The following METRNL variants were observed in gnomAD, a reference collection of about 807,000 sequenced individuals.
METRNL encodes the protein meteorin like, glial cell differentiation regulator, also known as meteorin-like protein.
Under a neutral mutation model 17.4 loss-of-function variants are expected in METRNL, and 9 were observed. The ratio of observed to expected loss-of-function variants is 0.52; its 90% confidence interval spans 0.31 to 0.90. The LOEUF is 0.90. Among genes scored for constraint, METRNL ranks in the 40% least tolerant of loss-of-function variants. The probability of loss-of-function intolerance (pLI) is 0.05; values close to 1 mark genes in which losing one functional copy is unlikely to be tolerated. For synonymous variants in METRNL, 215 were observed against 199.3 expected (o/e 1.08, Z -0.66); for missense variants, 408 against 430.7 (o/e 0.95, Z 0.47).
intron 2 of METRNL, among the ~76,000 whole-genome samples, chr17:83,086,305 G>C (rs149563110): frequency 6.6e-6 from 1 of 152,312 alleles, no homozygotes; most frequent in African/African-American, 2.4e-5. Context: ...GTGTAGGACC[G>C]TCTGCCTGGA....
intron 1 of METRNL, among the ~76,000 whole-genome samples, chr17:83,080,601 CTTTTTT>C (rs563834169): frequency 5.8e-5 from 3 of 52,148 alleles, no homozygotes; most frequent in Admixed American, 2.5e-4. Context: ...CGGCCGAGGA[CTTTTTT>C]TTTTTTTTTT....
chr17:83,090,068 G>A (rs1246910666), intron 2 of METRNL, among the ~76,000 whole-genome samples: 8 of 151,924 alleles, frequency 5.3e-5, no homozygotes, highest in South Asian at 2.1e-4. Flanking sequence ...ACCCTCACGC[G>A]CCCAGGCCCC....
At chr17:83,088,917 A>G (rs865957067) in intron 2 of METRNL, among the ~76,000 whole-genome samples, 3 of 152,114 alleles carry the variant, frequency 2.0e-5, no homozygotes, top group African/African-American at 4.8e-5. Flanking sequence ...AAGGCGTCCC[A>G]TCTCTCGTCC....
chr17:83,085,356 C>A (rs1481887157), intron 2 of METRNL, 33 bp downstream of exon 2: 2 of 1,510,826 alleles, frequency 1.3e-6, no homozygotes, highest in Non-Finnish European at 1.8e-6. Flanking sequence ...GGGCGGCGGG[C>A]CTCGTCATCA....
chr17:83,091,165 G>A (rs2038130698), intron 2 of METRNL, among the ~76,000 whole-genome samples: 1 of 152,076 alleles, frequency 6.6e-6, no homozygotes, highest in Non-Finnish European at 1.5e-5. Context: ...CCAGTGCCAG[G>A]CTGGACCGGC....
In METRNL at chr17:83,080,070, G is replaced by A. The variant is rs573394271; in HGVS notation, c.170+85G>A. ...GGGCCGGCCGAGCGTGCGGGGGCGC[G>A]GCCGGGGGCGGGCGCGGGGCAGGGG... is the stretch of plus-strand genomic sequence containing the variant. On this transcript the variant is annotated intron_variant, in intron 1 of 3. Transcript: ENST00000320095. 8.6e-4 allele frequency: 742 copies of A among 859,820 alleles called. 7 individuals carry two copies. The African/African-American group carries it at 0.013, about 15-fold the overall frequency. The allele number at this position is 859,820 out of a possible 1,614,324, so 53.3% of individuals were successfully genotyped here.
chr17:83,080,983 GTC>G (rs917898937), intron 1 of METRNL, among the ~76,000 whole-genome samples: 4 of 151,412 alleles, frequency 2.6e-5, no homozygotes, highest in African/African-American at 9.7e-5. Flanking sequence ...GCGGGCGCAG[GTC>G]TCCCCGCAGC....
intron 2 of METRNL, among the ~76,000 whole-genome samples, chr17:83,092,815 A>C (rs1025843735): frequency 6.6e-6 from 1 of 152,096 alleles, no homozygotes; most frequent in African/African-American, 2.4e-5. Flanking sequence ...GAAAGAGCAC[A>C]AAGACCCCTC....
intron 2 of METRNL, among the ~76,000 whole-genome samples, chr17:83,090,006 G>A (rs908486816): frequency 1.3e-5 from 2 of 151,990 alleles, no homozygotes; most frequent in African/African-American, 4.8e-5. Context: ...TCGGCCGTCC[G>A]CTGAGGTCGT....
chr17:83,079,873 C>T lies in METRNL; in HGVS notation c.58C>T (p.Pro20Ser), dbSNP rs1038170634. 4 of 976,628 alleles carry T rather than the reference C, an allele frequency of 4.1e-6. No individual in the cohort carries two copies. In the East Asian group the frequency reaches 3.4e-4, roughly 84 times the overall value. 60.5% of individuals were successfully genotyped at this position (976,628 alleles called of 1,614,324 possible). A position where few individuals can be genotyped will look rare whatever the true frequency, so the allele number is the denominator to read the frequency against. ...CGCGGGGCAGCCGTGGCCGCGACCC[C>T]CCGCCCCGGGCCCGCCCCCGCCGCC... ...GRAGQPWPRP[P>S]APGPPPPPLP... The change falls in exon 1 of 4, where the codon CCC becomes TCC. Residue 20 changes from proline to serine, a missense_variant. By Grantham distance (74) the Pro-to-Ser change is moderately conservative. Coordinates refer to ENST00000320095, the MANE Select transcript of METRNL (RefSeq NM_001004431.3).
At chr17:83,091,589 G>A (rs1423732997) in intron 2 of METRNL, among the ~76,000 whole-genome samples, 1 of 152,214 alleles carries the variant, frequency 6.6e-6, no homozygotes, top group Non-Finnish European at 1.5e-5. Context: ...CCTGTCCCCT[G>A]GGACCCCCAG....
Position 83,094,247 on chromosome 17 carries a change from C to A in METRNL, c.617-9C>A, listed in dbSNP as rs2038174369. The A allele has an allele frequency of 6.4e-7, 1 of 1,553,736 alleles. No individual in the cohort carries two copies. The highest frequency in any genetic ancestry group is 1.4e-5 in the African/African-American group (1 of 73,990). Reference sequence around the variant, plus strand: ...CTCACTCCCTGTCCCCATCTCCTTCCCCGCACAGCCGTTCGAGGCTCCATC... The same window carrying A: ...CTCACTCCCTGTCCCCATCTCCTTCACCGCACAGCCGTTCGAGGCTCCATC... On this transcript the variant is annotated splice_polypyrimidine_tract_variant and intron_variant, in intron 3 of 3. Coordinates refer to ENST00000320095, the MANE Select transcript of METRNL (RefSeq NM_001004431.3).
At chr17:83,092,862 C>T (rs2038156339) in intron 2 of METRNL, among the ~76,000 whole-genome samples, 2 of 152,186 alleles carry the variant, frequency 1.3e-5, no homozygotes, top group East Asian at 3.9e-4. Context: ...GACTGAGGGT[C>T]TTGCTCTCGG....
intron 1 of METRNL, 169 bp downstream of exon 1, chr17:83,080,154 A>G (rs1184088167): frequency 6.7e-5 from 14 of 210,476 alleles, no homozygotes; most frequent in Non-Finnish European, 9.9e-5. Flanking sequence ...CCCCGGTTCT[A>G]GAACAAAAGA....
At chr17:83,082,201 T>G in intron 1 of METRNL, 1 of 985,362 alleles carries the variant, frequency 1.0e-6, no homozygotes, top group Non-Finnish European at 1.2e-6. Context: ...GCATCGCAGG[T>G]GCGGTCACAC....
chr17:83,093,052 T>C lies in METRNL; in HGVS notation c.557-115T>C, dbSNP rs921691538. The C allele has an allele frequency of 4.9e-6, 4 of 818,436 alleles. No homozygotes were observed. The African/African-American group carries it at 6.7e-5, about 14-fold the overall frequency. The allele number at this position is 818,436 out of a possible 1,614,324, so 50.7% of individuals were successfully genotyped here. ...CGTTGGTCACAAAGGTGCCTTGACG[T>C]GGACACCCTCCCTGACTTGGCTTTG... On this transcript the variant is annotated intron_variant, in intron 2 of 3. Coordinates refer to ENST00000320095, the MANE Select transcript of METRNL (RefSeq NM_001004431.3).
rs1375252862 is a variant in METRNL, at chr17:83,094,389, G to T, written c.750G>T (p.Trp250Cys). The change falls in exon 4 of 4, where the codon TGG becomes TGT. Residue 250 changes from tryptophan (W) to cysteine (C), a missense_variant. Transcript: ENST00000320095. Reference sequence around the variant, plus strand: ...CGGTGCCCGAGGGTGACGGCCACTGGCAGGGGCGCGTCAGGACGCTGCTGG... The same window carrying T: ...CGGTGCCCGAGGGTGACGGCCACTGTCAGGGGCGCGTCAGGACGCTGCTGG... ...FEPVPEGDGH[W>C]QGRVRTLLEC... is the part of the protein sequence containing the mutation. The T allele has an allele frequency of 6.2e-7, 1 of 1,610,486 alleles. No individual in the cohort carries two copies. Among genetic ancestry groups the T allele is most frequent in the Admixed American group, 1.7e-5 (1 of 59,814 alleles).
intron 1 of METRNL, among the ~76,000 whole-genome samples, chr17:83,081,658 G>T (rs544804334): frequency 1.3e-5 from 2 of 150,500 alleles, no homozygotes; most frequent in Admixed American, 6.6e-5. Context: ...TCCCCAGAGG[G>T]GACCCCCCCA....
Position 83,079,895 on chromosome 17 carries a change from C to T in METRNL, c.80C>T (p.Pro27Leu). 1 of 988,790 alleles carries T rather than the reference C, an allele frequency of 1.0e-6. No individual in the cohort carries two copies. Among genetic ancestry groups the T allele is most frequent in the Non-Finnish European group, 1.2e-6 (1 of 833,058 alleles). The allele number at this position is 988,790 out of a possible 1,614,324, so 61.3% of individuals were successfully genotyped here. A position where few individuals can be genotyped will look rare whatever the true frequency, so the allele number is the denominator to read the frequency against. The change falls in exon 1 of 4, where the codon CCG becomes CTG. Residue 27 changes from proline (P) to leucine (L), a missense_variant. By Grantham distance (98) the Pro-to-Leu change is moderately conservative. Coordinates refer to ENST00000320095, the MANE Select transcript of METRNL (RefSeq NM_001004431.3). ...PRPPAPGPPPPPLPLLLLLLA... is the reference protein window; with the variant it reads ...PRPPAPGPPPLPLPLLLLLLA... ...CCCCCCGCCCCGGGCCCGCCCCCGCCGCCGCTCCCGCTGCTGCTCCTGCTC... is the reference window on the plus strand; with the variant it reads ...CCCCCCGCCCCGGGCCCGCCCCCGCTGCCGCTCCCGCTGCTGCTCCTGCTC...
Sources: gnomAD v4.1 joint callset for allele counts (sites outside exome capture counted in the v4.1 genomes callset) on GRCh38, gnomAD v4.1.1 for gene constraint, MANE v1.5 for transcripts, NCBI Gene and HGNC (gene_info 2026-07-23, HGNC 2026-07-21) for gene names.